The following CES5A variants were observed in gnomAD, a reference collection of about 807,000 sequenced individuals.
CES5A encodes the protein carboxylesterase 5.
Under a neutral mutation model 62.9 loss-of-function variants are expected in CES5A, and 67 were observed. That is an observed-to-expected ratio of 1.07 (90% CI 0.88 to 1.31). CES5A has a LOEUF of 1.31. Ranked by LOEUF, CES5A falls within the 50% of genes most tolerant of loss-of-function variation. The pLI is 0.00. For synonymous variants in CES5A, 296 were observed against 280.8 expected, an observed-to-expected ratio of 1.05 and a Z score of -0.54; for missense variants, 748 against 708.5, an observed-to-expected ratio of 1.06 and a Z score of -0.63.
At chr16:55,917,633 G>A (rs1452778103) in intron 1 of CES5A, among the ~76,000 whole-genome samples, 2 of 152,174 alleles carry the variant, frequency 1.3e-5, no homozygotes, top group African/African-American at 4.8e-5. Context: ...TCAGGGCAAG[G>A]GAATGAGAGA....
At chr16:55,861,572 T>G in intron 6 of CES5A, 56 bp from the exon 7 acceptor site, 1 of 1,293,268 alleles carries the variant, frequency 7.7e-7, no homozygotes, top group East Asian at 2.3e-5. Context: ...TCTAGGAAAA[T>G]GAAAGCTTGA....
At chr16:55,904,431 A>G (rs2034019356) in intron 1 of CES5A, among the ~76,000 whole-genome samples, 1 of 152,286 alleles carries the variant, frequency 6.6e-6, no homozygotes, top group East Asian at 1.9e-4. Flanking sequence ...TTGTGACTTC[A>G]TAGAAAGTCT....
At chr16:55,928,957 A>C (rs1225672973), upstream of CES5A, among the ~76,000 whole-genome samples, 1 of 152,162 alleles carries the variant, frequency 6.6e-6, no homozygotes, top group Non-Finnish European at 1.5e-5. Context: ...CCAAGGCCCT[A>C]GATGGATGTC....
chr16:55,869,587 T>A, intron 4 of CES5A, 24 bp downstream of exon 4: 2 of 1,611,602 alleles, frequency 1.2e-6, no homozygotes, highest in South Asian at 1.1e-5. Context: ...GGATCTGGGA[T>A]GTCCATCATT....
chr16:55,848,634 ACTAT>A (rs1400235976), intron 11 of CES5A, among the ~76,000 whole-genome samples: 8 of 152,082 alleles, frequency 5.3e-5, no homozygotes, highest in Non-Finnish European at 1.0e-4. Flanking sequence ...TTTTCCGTGA[ACTAT>A]CTGTTTCTAT....
chr16:55,907,863 A>T (rs2034054323), intron 1 of CES5A, among the ~76,000 whole-genome samples: 1 of 152,134 alleles, frequency 6.6e-6, no homozygotes, highest in Non-Finnish European at 1.5e-5. Flanking sequence ...ATTAATGAGG[A>T]AATCTCCAGG....
chr16:55,884,411 T>C (rs1226534954), intron 1 of CES5A, among the ~76,000 whole-genome samples: 1 of 152,220 alleles, frequency 6.6e-6, no homozygotes, highest in African/African-American at 2.4e-5. Flanking sequence ...GCCTTGGTGA[T>C]CATTAAAGTA....
At chr16:55,881,526 T>C (rs1187259574) in intron 1 of CES5A, among the ~76,000 whole-genome samples, 2 of 152,302 alleles carry the variant, frequency 1.3e-5, no homozygotes, top group Admixed American at 1.3e-4. Context: ...GATGCTAATA[T>C]GCTATGAGAG....
intron 1 of CES5A, among the ~76,000 whole-genome samples, chr16:55,950,329 C>T (rs2034541277): frequency 6.6e-6 from 1 of 152,164 alleles, no homozygotes; most frequent in South Asian, 2.1e-4. Context: ...TGAAGAACTA[C>T]ATCCCCATGG....
chr16:55,933,186 C>T (rs2034332367), intron 2 of CES5A, among the ~76,000 whole-genome samples: 1 of 152,154 alleles, frequency 6.6e-6, no homozygotes, highest in Non-Finnish European at 1.5e-5. Flanking sequence ...ACTGTTTTGA[C>T]CAGGAAGTGT....
At chr16:55,936,383 A>C (rs1409553031) in intron 2 of CES5A, among the ~76,000 whole-genome samples, 1 of 152,130 alleles carries the variant, frequency 6.6e-6, no homozygotes, top group Non-Finnish European at 1.5e-5. Context: ...CCATTTGAGG[A>C]TCCTCTAAGA....
At chr16:55,875,108 C>T (rs746080217) in intron 1 of CES5A, 41 bp downstream of exon 1, 1 of 1,587,518 alleles carries the variant, frequency 6.3e-7, no homozygotes, top group South Asian at 1.1e-5. Context: ...CCTCACCCAC[C>T]CCATCTTCTG....
chr16:55,905,113 C>A (rs2142445059), intron 1 of CES5A, among the ~76,000 whole-genome samples: 1 of 152,322 alleles, frequency 6.6e-6, no homozygotes, highest in South Asian at 2.1e-4. Flanking sequence ...AAACAGGTTG[C>A]TAAATGTGCC....
intron 1 of CES5A, among the ~76,000 whole-genome samples, chr16:55,881,010 C>A (rs1376570328): frequency 6.6e-6 from 1 of 152,106 alleles, no homozygotes; most frequent in East Asian, 1.9e-4. Context: ...GTTAGGTCAC[C>A]AACAGGGAAT....
chr16:55,909,906 G>A (rs2034077287), intron 1 of CES5A, among the ~76,000 whole-genome samples: 1 of 152,148 alleles, frequency 6.6e-6, no homozygotes, highest in South Asian at 2.1e-4. Context: ...TTCCAAGATG[G>A]TGTGAGTGCT....
intron 2 of CES5A, among the ~76,000 whole-genome samples, chr16:55,931,171 T>A (rs1400702616): frequency 1.3e-5 from 2 of 152,240 alleles, no homozygotes; most frequent in Non-Finnish European, 1.5e-5. Flanking sequence ...CTATTCTTTC[T>A]TCATCCCAGG....
At chr16:55,876,427 T>C (rs78409990), upstream of CES5A, among the ~76,000 whole-genome samples, 229 of 152,318 alleles carry the variant, frequency 1.5e-3, no homozygotes, top group African/African-American at 5.1e-3. Context: ...GGGTGGTGTA[T>C]GGTGGAGAAG....
At chr16:55,903,188 C>G (rs1487875477) in intron 1 of CES5A, among the ~76,000 whole-genome samples, 2 of 151,844 alleles carry the variant, frequency 1.3e-5, no homozygotes, top group African/African-American at 4.8e-5. Context: ...TGGTGAGAAA[C>G]AGGGCACTCC....
chr16:55,854,444 C>G (rs746862993), intron 9 of CES5A, among the ~76,000 whole-genome samples: 2 of 151,712 alleles, frequency 1.3e-5, no homozygotes, highest in African/African-American at 2.4e-5. Context: ...TCTCTCAAAC[C>G]TTAGTCCCAA....
Sources: allele counts gnomAD v4.1 joint callset (sites outside exome capture counted in the v4.1 genomes callset), GRCh38; gene constraint gnomAD v4.1.1; transcripts MANE v1.5; gene names NCBI Gene and HGNC (gene_info 2026-07-23, HGNC 2026-07-21).